The following GULP1 variants were observed in gnomAD, a reference collection of about 807,000 sequenced individuals.
GULP1 encodes GULP PTB domain containing engulfment adaptor 1.
A neutral mutation model predicts 40.9 loss-of-function variants in GULP1; 19 were observed. That is an observed-to-expected ratio of 0.46 (90% CI 0.32 to 0.68). The LOEUF is 0.68. GULP1 is among the 30% of genes least tolerant of loss of function. The pLI is 0.03. For synonymous variants in GULP1, 119 were observed against 117.6 expected (o/e 1.01, Z -0.08); for missense variants, 312 against 362.2 (o/e 0.86, Z 1.12).
At chr2:188,399,322 T>A (rs1302255502) in intron 2 of GULP1, among the ~76,000 whole-genome samples, 2 of 152,062 alleles carry the variant, frequency 1.3e-5, no homozygotes, top group Admixed American at 1.3e-4. Flanking sequence ...CCAATAGTAT[T>A]TTTTAATGTT....
chr2:188,538,838 A>T (rs1251487591), intron 6 of GULP1, among the ~76,000 whole-genome samples: 1 of 151,750 alleles, frequency 6.6e-6, no homozygotes, highest in Non-Finnish European at 1.5e-5. Context: ...CAAAAAAATC[A>T]ATCATTTCAT....
At position 188,420,938 on chromosome 2, in the gene GULP1, G is replaced by C. The variant is rs566480005; in HGVS notation, c.-45+37049G>C. Among the ~76,000 whole-genome samples, 10 of 152,178 alleles carry C rather than the reference G, an allele frequency of 6.6e-5. No homozygotes were observed. In the South Asian group the frequency reaches 2.1e-3, roughly 32 times the overall value. ...ACTGGGGACCTGTCCCTATCTGTCT[G>C]GGAATTTGTCTGTCTCCTGTCGCTA... On this transcript the variant is annotated intron_variant, in intron 2 of 11. Coordinates refer to ENST00000409830, the MANE Select transcript of GULP1 (RefSeq NM_016315.4).
chr2:188,347,584 T>G (rs2043854342), intron 1 of GULP1, among the ~76,000 whole-genome samples: 1 of 151,796 alleles, frequency 6.6e-6, no homozygotes, highest in African/African-American at 2.4e-5. Flanking sequence ...ACGTGTAGTT[T>G]CAGCTTCTAG....
At chr2:188,581,612 A>T (rs1487795884) in intron 9 of GULP1, among the ~76,000 whole-genome samples, 1 of 152,152 alleles carries the variant, frequency 6.6e-6, no homozygotes, top group East Asian at 1.9e-4. Context: ...GTTCAGACCT[A>T]GTACACTGCT....
intron 2 of GULP1, among the ~76,000 whole-genome samples, chr2:188,391,070 A>C (rs573865590): frequency 6.6e-6 from 1 of 152,202 alleles, no homozygotes; most frequent in Admixed American, 6.5e-5. Context: ...TCTTTTGCTT[A>C]GGATTGCTTT....
intron 2 of GULP1, among the ~76,000 whole-genome samples, chr2:188,440,381 A>T (rs1203460438): frequency 6.6e-6 from 1 of 152,198 alleles, no homozygotes; most frequent in Non-Finnish European, 1.5e-5. Context: ...CCAATGGGGA[A>T]TACCTCAATC....
intron 1 of GULP1, among the ~76,000 whole-genome samples, chr2:188,318,058 A>C (rs2039391096): frequency 6.6e-6 from 1 of 152,108 alleles, no homozygotes; most frequent in South Asian, 2.1e-4. Flanking sequence ...GCCTAATCTT[A>C]GTTGGATGAA....
At chr2:188,450,211 A>G (rs191327430) in intron 2 of GULP1, among the ~76,000 whole-genome samples, 6 of 152,308 alleles carry the variant, frequency 3.9e-5, no homozygotes, top group Admixed American at 3.9e-4. Flanking sequence ...GCTTTACAGA[A>G]CATGATGAAA....
chr2:188,479,861 A>G (rs1559289439), intron 3 of GULP1, among the ~76,000 whole-genome samples: 2 of 152,268 alleles, frequency 1.3e-5, no homozygotes, highest in East Asian at 1.9e-4. Context: ...GAGTACAACC[A>G]TAGGAATAGT....
intron 1 of GULP1, among the ~76,000 whole-genome samples, chr2:188,370,319 G>T (rs2047432204): frequency 1.3e-5 from 2 of 152,236 alleles, no homozygotes; most frequent in African/African-American, 4.8e-5. Context: ...CAAGTGCACT[G>T]GTTGGACAAT....
chr2:188,573,819 T>G (rs1699624977), intron 9 of GULP1, among the ~76,000 whole-genome samples: 1 of 152,186 alleles, frequency 6.6e-6, no homozygotes, highest in Non-Finnish European at 1.5e-5. Context: ...GTGGGTATGG[T>G]GTATGCAATT....
At chr2:188,404,836 C>G (rs376900881) in intron 2 of GULP1, among the ~76,000 whole-genome samples, 68 of 152,002 alleles carry the variant, frequency 4.5e-4, no homozygotes, top group African/African-American at 1.6e-3. Context: ...CAGCTCCAAG[C>G]CAGGTTGGCC....
At chr2:188,330,955 AC>A (rs2041487759) in intron 1 of GULP1, among the ~76,000 whole-genome samples, 1 of 152,122 alleles carries the variant, frequency 6.6e-6, no homozygotes, top group South Asian at 2.1e-4. Flanking sequence ...GATGTTTTGA[AC>A]CACAAGATCA....
chr2:188,480,181 G>A (rs944129098), intron 3 of GULP1, among the ~76,000 whole-genome samples: 2 of 152,116 alleles, frequency 1.3e-5, no homozygotes, highest in Admixed American at 1.3e-4. Context: ...AACTTAAATT[G>A]TTTGAGAGAA....
At chr2:188,379,818 G>T (rs959539704) in intron 1 of GULP1, among the ~76,000 whole-genome samples, 5 of 152,074 alleles carry the variant, frequency 3.3e-5, no homozygotes, top group Admixed American at 3.3e-4. Flanking sequence ...TGAAGATGGC[G>T]TGTTCGTTCT....
intron 1 of GULP1, among the ~76,000 whole-genome samples, chr2:188,331,167 G>T (rs1452685764): frequency 6.6e-6 from 1 of 152,020 alleles, no homozygotes; most frequent in African/African-American, 2.4e-5. Flanking sequence ...TTGAGCCTTA[G>T]CATTCTTTAA....
chr2:188,485,346 C>G (rs1214697336), intron 4 of GULP1, among the ~76,000 whole-genome samples: 3 of 151,998 alleles, frequency 2.0e-5, no homozygotes, highest in Non-Finnish European at 4.4e-5. Context: ...TCTTCCCAGA[C>G]TGGGAACAGT....
At chr2:188,492,209 T>A (rs1427423071) in intron 4 of GULP1, among the ~76,000 whole-genome samples, 4 of 152,118 alleles carry the variant, frequency 2.6e-5, no homozygotes, top group Admixed American at 2.0e-4. Flanking sequence ...CAATGAAAAA[T>A]CAACTGTTTA....
chr2:188,507,509 T>G (rs2064051473), intron 4 of GULP1, among the ~76,000 whole-genome samples: 1 of 151,536 alleles, frequency 6.6e-6, no homozygotes, highest in South Asian at 2.1e-4. Flanking sequence ...ATAAGTATCA[T>G]GACTCTAACG....
Sources: gnomAD v4.1 joint callset for allele counts (sites outside exome capture counted in the v4.1 genomes callset) on GRCh38, gnomAD v4.1.1 for gene constraint, MANE v1.5 for transcripts, NCBI Gene and HGNC (gene_info 2026-07-23, HGNC 2026-07-21) for gene names.